Variants in SYT1 observed in about 807,000 individuals in gnomAD.
SYT1 encodes the protein synaptotagmin-1.
A neutral mutation model predicts 44.8 loss-of-function variants in SYT1; 8 were observed. That is an observed-to-expected ratio of 0.18 (90% CI 0.10 to 0.32). The LOEUF (loss-of-function observed/expected upper bound fraction) is 0.32, where lower values mean the gene tolerates loss of function less well. SYT1 is among the 10% of genes least tolerant of loss of function. The probability of loss-of-function intolerance (pLI) is 1.00; values close to 1 mark genes in which losing one functional copy is unlikely to be tolerated. For synonymous variants in SYT1, 154 were observed against 188.8 expected (o/e 0.82, Z 1.51); for missense variants, 286 against 509.3 (o/e 0.56, Z 4.22).
chr12:78,886,616 T>C (rs1274249306), intron 1 of SYT1, among the ~76,000 whole-genome samples: 1 of 152,046 alleles, frequency 6.6e-6, no homozygotes, highest in Non-Finnish European at 1.5e-5. Flanking sequence ...CCTGATGTTT[T>C]TAATACACAG....
chr12:79,224,707 A>T (rs2138590744), intron 4 of SYT1, among the ~76,000 whole-genome samples: 1 of 149,874 alleles, frequency 6.7e-6, no homozygotes, highest in East Asian at 1.9e-4. Context: ...CCATGATCTG[A>T]CGGGTGGTTT....
At chr12:79,221,049 G>A (rs1278213977) in intron 4 of SYT1, among the ~76,000 whole-genome samples, 2 of 152,066 alleles carry the variant, frequency 1.3e-5, no homozygotes, top group African/African-American at 4.8e-5. Flanking sequence ...TTGTATTACA[G>A]TTGATCTCTC....
At chr12:79,176,622 T>G in intron 3 of SYT1, among the ~76,000 whole-genome samples, 1 of 152,096 alleles carries the variant, frequency 6.6e-6, no homozygotes, top group East Asian at 1.9e-4. Context: ...GTTGTTGAGT[T>G]CTATATTTTT....
At chr12:79,104,198 T>A (rs1049125721) in intron 3 of SYT1, among the ~76,000 whole-genome samples, 67 of 151,232 alleles carry the variant, frequency 4.4e-4, no homozygotes, top group African/African-American at 1.4e-3. Context: ...CAGACAACAC[T>A]CATCTCAATG....
At chr12:79,146,950 C>T (rs1035601195) in intron 3 of SYT1, among the ~76,000 whole-genome samples, 7 of 152,138 alleles carry the variant, frequency 4.6e-5, no homozygotes, top group Non-Finnish European at 8.8e-5. Context: ...AGGCCATTCT[C>T]CTGCCTCAGC....
chr12:79,443,122 G>C (rs536597152), intron 9 of SYT1, among the ~76,000 whole-genome samples: 141 of 152,168 alleles, frequency 9.3e-4, no homozygotes, highest in African/African-American at 3.2e-3. Flanking sequence ...TTGCCTAATG[G>C]GGCTTTAGGG....
intron 9 of SYT1, among the ~76,000 whole-genome samples, 161 bp from the exon 10 acceptor site, chr12:79,443,912 G>A (rs1461689205): frequency 6.6e-6 from 1 of 151,884 alleles, no homozygotes; most frequent in Non-Finnish European, 1.5e-5. Context: ...ATGCCCATAG[G>A]TTATTTAAAA....
chr12:78,944,351 T>C (rs114007981), intron 1 of SYT1, among the ~76,000 whole-genome samples: 2,224 of 151,912 alleles, frequency 0.015, 62 homozygotes, highest in African/African-American at 0.051. Flanking sequence ...TAGTAAAAGA[T>C]GAAAATATTT....
chr12:78,962,972 C>A (rs1344836716), intron 1 of SYT1, among the ~76,000 whole-genome samples: 1 of 152,076 alleles, frequency 6.6e-6, no homozygotes, highest in Admixed American at 6.6e-5. Flanking sequence ...GTTCCCCTTG[C>A]CCCTAGTCTC....
chr12:78,964,828 C>T (rs1241330109), intron 1 of SYT1, among the ~76,000 whole-genome samples: 1 of 152,066 alleles, frequency 6.6e-6, no homozygotes, highest in African/African-American at 2.4e-5. Flanking sequence ...GATAACTTTT[C>T]TTCTCCTCTT....
intron 2 of SYT1, among the ~76,000 whole-genome samples, chr12:78,991,929 C>T (rs1228812495): frequency 1.3e-5 from 2 of 152,012 alleles, no homozygotes; most frequent in Non-Finnish European, 2.9e-5. Context: ...ACATGAAGAG[C>T]TATTATTTCC....
At chr12:79,258,244 T>A (rs1877639068) in intron 4 of SYT1, among the ~76,000 whole-genome samples, 1 of 152,184 alleles carries the variant, frequency 6.6e-6, no homozygotes, top group African/African-American at 2.4e-5. Context: ...ACTGCGATGG[T>A]GTTGGAAAAC....
At chr12:79,170,920 T>C (rs535592214) in intron 3 of SYT1, among the ~76,000 whole-genome samples, 104 of 152,242 alleles carry the variant, frequency 6.8e-4, no homozygotes, top group African/African-American at 2.4e-3. Flanking sequence ...GCCTAGCCAA[T>C]TATCCCAGCA....
intron 2 of SYT1, among the ~76,000 whole-genome samples, chr12:79,016,435 T>C (rs1243597026): frequency 2.0e-5 from 3 of 152,148 alleles, no homozygotes; most frequent in African/African-American, 7.2e-5. Flanking sequence ...CTGGTTGTAA[T>C]TATACTTCAA....
At chr12:79,029,412 G>A (rs1234694068) in intron 2 of SYT1, among the ~76,000 whole-genome samples, 1 of 149,786 alleles carries the variant, frequency 6.7e-6, no homozygotes, top group African/African-American at 2.4e-5. Flanking sequence ...TGTAGTGCTG[G>A]AGCAAATATA....
In SYT1 at chr12:79,047,363, G is replaced by T. The variant is rs1465162400; in HGVS notation, c.-18+1G>T. ...ATACTCCAGAATTCCTAATAGAACA[G>T]TAAGTACTTTAATGACACAATGATG... is the stretch of plus-strand genomic sequence containing the variant. On this transcript the variant is annotated splice_donor_variant, in intron 3 of 10. Transcript: ENST00000261205. LOFTEE classifies it low-confidence loss of function (5UTR_SPLICE). 2 of 151,718 alleles carry T rather than the reference G, an allele frequency of 1.3e-5. No homozygotes were observed. The highest frequency in any genetic ancestry group is 6.6e-5 in the Admixed American group (1 of 15,248). 9.4% of individuals were successfully genotyped at this position (151,718 alleles called of 1,614,324 possible). A position where few individuals can be genotyped will look rare whatever the true frequency, so the allele number is the denominator to read the frequency against.
intron 1 of SYT1, among the ~76,000 whole-genome samples, chr12:78,900,578 C>A (rs899434093): frequency 6.6e-6 from 1 of 151,750 alleles, no homozygotes; most frequent in East Asian, 1.9e-4. Context: ...GAGCTGATCT[C>A]GGTGTGTCTG....
intron 3 of SYT1, among the ~76,000 whole-genome samples, chr12:79,179,486 GATATATCT>G (rs1872336292): frequency 1.1e-5 from 1 of 90,064 alleles, no homozygotes; most frequent in African/African-American, 4.4e-5. Context: ...TAGAGATATA[GATATATCT>G]ATATAGATAT....
intron 4 of SYT1, among the ~76,000 whole-genome samples, chr12:79,232,386 T>C (rs1875922157): frequency 1.3e-5 from 2 of 152,316 alleles, no homozygotes; most frequent in Middle Eastern, 3.4e-3. Flanking sequence ...TTGCATATGC[T>C]CTAGCCTCCT....
Sources: gnomAD v4.1 joint callset for allele counts (sites outside exome capture counted in the v4.1 genomes callset) on GRCh38, gnomAD v4.1.1 for gene constraint, MANE v1.5 for transcripts, NCBI Gene and HGNC (gene_info 2026-07-23, HGNC 2026-07-21) for gene names.